PGAP6: variants seen among roughly 807,000 people sequenced by gnomAD.
PGAP6 encodes post-GPI attachment to proteins factor 6.
PGAP6 carries 62 observed loss-of-function variants against 68.4 expected under a neutral mutation model. The observed-to-expected ratio is 0.91, with a 90% CI of 0.74 to 1.12. The LOEUF is 1.12. Ranked by LOEUF, PGAP6 falls within the 50% of genes most tolerant of loss-of-function variation. PGAP6 has a pLI of 0.00. For missense variants in PGAP6, 1,188 were observed against 1,068.5 expected (o/e 1.11, Z -1.56); for synonymous variants, 575 against 474.0 (o/e 1.21, Z -2.77).
rs2054390878 is a variant in PGAP6 at position 377,046 on chromosome 16, C to G, written c.626G>C (p.Ser209Thr). ...PLPQTLLSHP[S>T]YLKVFVPDYT... ...CCAGGCCCCCGCTCACTTGAGGTAGCTGGGATGGGAGAGGAGGGTCTGAGG... is the reference window on the plus strand; with the variant it reads ...CCAGGCCCCCGCTCACTTGAGGTAGGTGGGATGGGAGAGGAGGGTCTGAGG... Residue 209 changes from serine (S) to threonine (T), a missense_variant, in exon 4 of 13, where the codon AGC becomes ACC. Ser to Thr is a moderately conservative substitution (Grantham distance 58). Transcript: ENST00000431232. The G allele has an allele frequency of 6.2e-7, 1 of 1,612,968 alleles. No individual in the cohort carries two copies. Among genetic ancestry groups the G allele is most frequent in the Non-Finnish European group, 8.5e-7 (1 of 1,179,898 alleles).
chr16:378,567 C>G (rs1478469282), intron 1 of PGAP6, among the ~76,000 whole-genome samples: 1 of 152,190 alleles, frequency 6.6e-6, no homozygotes, highest in African/African-American at 2.4e-5. Flanking sequence ...CATGGCCAAC[C>G]CAGGTCGAAG....
At chr16:379,753 C>T (rs1489390436) in intron 1 of PGAP6, among the ~76,000 whole-genome samples, 1 of 152,240 alleles carries the variant, frequency 6.6e-6, no homozygotes, top group East Asian at 1.9e-4. Flanking sequence ...AACACCCAGT[C>T]CCCGACTCCC....
rs781350836 is a variant in PGAP6 at position 372,646 on chromosome 16, A to AGG, written c.1982_1983dup (p.Cys662ProfsTer7). ...GCCATGATCACGAAGGCAAAGAGGC[A>AGG]GGGCCCCAGCATGTTCCACATGCCC... is the stretch of plus-strand genomic sequence containing the variant. On this transcript the variant is annotated frameshift_variant, in exon 12 of 13. Transcript: ENST00000431232. LOFTEE classifies it low-confidence loss of function (END_TRUNC). 1.3e-5 allele frequency: 21 copies of AGG among 1,612,236 alleles called. No homozygotes were observed. Among genetic ancestry groups the AGG allele is most frequent in the Admixed American group, 5.0e-5 (3 of 59,992 alleles).
At position 376,260 on chromosome 16, in the gene PGAP6, T is replaced by C; in HGVS notation, c.1100A>G (p.His367Arg). The change falls in exon 6 of 13, where the codon CAC (histidine) becomes CGC (arginine). Residue 367 changes from histidine (H) to arginine (R), a missense_variant. Coordinates refer to ENST00000431232, the MANE Select transcript of PGAP6 (RefSeq NM_021259.3). ...TREDMDVVSV[H>R]FQPLDRVSVR... ...CGAGACCCTGTCCAGGGGCTGGAAG[T>C]GCACCGACACCACGTCCATGTCCTC... The C allele has an allele frequency of 1.2e-6, 2 of 1,612,446 alleles. No individual in the cohort carries two copies. Among genetic ancestry groups the C allele is most frequent in the Non-Finnish European group, 1.7e-6 (2 of 1,179,912 alleles).
chr16:373,804 C>T (rs577465625), intron 11 of PGAP6, among the ~76,000 whole-genome samples: 1 of 136,900 alleles, frequency 7.3e-6, no homozygotes, highest in African/African-American at 2.9e-5. Flanking sequence ...CCACCATGCT[C>T]GGCCAAGGCA....
At position 375,580 on chromosome 16, in the gene PGAP6, T is replaced by C. The variant is rs2054375368; in HGVS notation, c.1225-145A>G. 4 of 689,538 alleles carry C rather than the reference T, an allele frequency of 5.8e-6. No homozygotes were observed. The South Asian group carries it at 7.3e-5, about 13-fold the overall frequency. 42.7% of individuals were successfully genotyped at this position (689,538 alleles called of 1,614,324 possible). On this transcript the variant is annotated intron_variant, in intron 6 of 12. Coordinates refer to ENST00000431232, the MANE Select transcript of PGAP6 (RefSeq NM_021259.3). Reference sequence around the variant, plus strand: ...TGGAGTCTTGCTCTGTCGCCCAGGCTGGAGGGCAGTGCCGCGATCTCGGCT... The same window carrying C: ...TGGAGTCTTGCTCTGTCGCCCAGGCCGGAGGGCAGTGCCGCGATCTCGGCT...
chr16:373,750 G>A (rs3929996), intron 11 of PGAP6, among the ~76,000 whole-genome samples: 1 of 151,930 alleles, frequency 6.6e-6, no homozygotes, highest in Non-Finnish European at 1.5e-5. Flanking sequence ...TGAACCCCTG[G>A]CCTCATGGGA....
chr16:376,198 G>A lies in PGAP6; in HGVS notation c.1162C>T (p.Leu388=), dbSNP rs1350206059. 3.1e-6 allele frequency: 5 copies of A among 1,612,448 alleles called. No homozygotes were observed. The highest frequency in any genetic ancestry group is 2.7e-5 in the African/African-American group (2 of 74,948). Residue 388 remains leucine (L), a synonymous_variant, in exon 6 of 13, where the codon CTG becomes TTG. Transcript: ENST00000431232. The part of the protein sequence containing the change: ...VCSDTPSVMR[L]RLNTGMDSGG... ...CTGTCCATGCCGGTGTTCAGGCGCAGCCGCATCACGGAGGGCGTGTCCGAA... is the reference window on the plus strand; with the variant it reads ...CTGTCCATGCCGGTGTTCAGGCGCAACCGCATCACGGAGGGCGTGTCCGAA...
rs1160537360 is a variant in PGAP6 at position 374,280 on chromosome 16, C to T, written c.1696G>A (p.Val566Met). Reference protein sequence around the residue: ...LMFLAPIAVSVRRFFLVEASV... With the variant: ...LMFLAPIAVSMRRFFLVEASV... ...GCCTCCACCAGGAAGAATCGCCGCA[C>T]TGAGACGGCGATGGGGGCCAGGAAC... Residue 566 changes from valine to methionine, a missense_variant, in exon 10 of 13, where the codon GTG (valine) becomes ATG (methionine). Transcript: ENST00000431232. The T allele has an allele frequency of 6.2e-7, 1 of 1,607,352 alleles. No individual in the cohort carries two copies. The highest frequency in any genetic ancestry group is 8.5e-7 in the Non-Finnish European group (1 of 1,179,622).
intron 1 of PGAP6, 58 bp from the exon 2 acceptor site, chr16:377,906 G>A: frequency 1.4e-6 from 2 of 1,445,754 alleles, no homozygotes; most frequent in Non-Finnish European, 1.9e-6. Context: ...CCGCAGATGG[G>A]GAGGACGAGT....
rs765506148 is a variant in PGAP6 at position 376,164 on chromosome 16, G to T, written c.1196C>A (p.Ser399Tyr). Residue 399 changes from serine to tyrosine, a missense_variant, in exon 6 of 13, where the codon TCC becomes TAC. Physicochemically the swap from Ser to Tyr is moderately radical, Grantham distance 144. Transcript: ENST00000431232. ...GTTGGCCCGCAGGGAGATGGTGAGG[G>T]AACCCCCGCTGTCCATGCCGGTGTT... ...RLNTGMDSGGSLTISLRANKT... is the reference protein window; with the variant it reads ...RLNTGMDSGGYLTISLRANKT... The T allele has an allele frequency of 4.4e-6, 7 of 1,608,262 alleles. 1 individual carries two copies. In the South Asian group the frequency reaches 7.7e-5, roughly 18 times the overall value.
At chr16:376,476 T>G (rs2071916) in intron 5 of PGAP6, 21 bp from the exon 6 acceptor site, 4 of 1,549,286 alleles carry the variant, frequency 2.6e-6, no homozygotes, top group African/African-American at 1.4e-5. Flanking sequence ...GACAAGGGGT[T>G]TGGCTGGAGG....
chr16:379,092 C>T (rs930187827), intron 1 of PGAP6, among the ~76,000 whole-genome samples: 8 of 152,204 alleles, frequency 5.3e-5, no homozygotes, highest in Admixed American at 4.6e-4. Flanking sequence ...CCCCTCCCTC[C>T]GAGGTTAATT....
At chr16:386,056 A>C (rs1367097574), upstream of PGAP6, among the ~76,000 whole-genome samples, 2 of 152,148 alleles carry the variant, frequency 1.3e-5, no homozygotes, top group African/African-American at 4.8e-5. Context: ...AAGACCCTCA[A>C]GCCCCCTCCC....
chr16:383,164 A>G (rs2141769888), upstream of PGAP6: 1 of 152,114 alleles, frequency 6.6e-6, no homozygotes, highest in Middle Eastern at 3.4e-3. Context: ...ACAAAACACT[A>G]AAGTGTCCTT....
upstream of PGAP6, chr16:384,235 C>T: frequency 6.6e-6 from 1 of 152,300 alleles, no homozygotes; most frequent in East Asian, 1.9e-4. Context: ...GTCTGAGGTT[C>T]CTGTGCCCCA....
At position 377,682 on chromosome 16, in the gene PGAP6, C is replaced by T. The variant is rs537307313; in HGVS notation, c.288G>A (p.Ala96=). 4.4e-6 allele frequency: 7 copies of T among 1,584,956 alleles called. No individual in the cohort carries two copies. Among genetic ancestry groups the T allele is most frequent in the East Asian group, 2.3e-5 (1 of 43,224 alleles). The change falls in exon 2 of 13, where the codon GCG becomes GCA. Residue 96 remains alanine, a synonymous_variant. Coordinates refer to ENST00000431232, the MANE Select transcript of PGAP6 (RefSeq NM_021259.3). ...SRESGAACTD[A]EITVHFRSGA... ...GGGCAGCCACCTACACGGTGATCTC[C>T]GCGTCGGTGCAGGCAGCGCCGCTCT...
rs145361083 is a variant in PGAP6 at position 372,085 on chromosome 16, G to T, written c.2218C>A (p.Pro740Thr). The T allele has an allele frequency of 3.1e-3, 4,969 of 1,612,596 alleles. 16 individuals carry two copies. The highest frequency in any genetic ancestry group is 3.8e-3 in the Non-Finnish European group (4,446 of 1,179,944). The change falls in exon 13 of 13, where the codon CCT (proline) becomes ACT (threonine). Residue 740 changes from proline (P) to threonine (T), a missense_variant. Pro to Thr is a conservative substitution (Grantham distance 38). Coordinates refer to ENST00000431232, the MANE Select transcript of PGAP6 (RefSeq NM_021259.3). ...AGSAALLLPP[P>T]DQPAEPWACS... Reference sequence around the variant, plus strand: ...GCCCAGGGCTCGGCGGGCTGGTCAGGTGGCGGCAGCAGCAAGGCTGCGCTC... The same window carrying T: ...GCCCAGGGCTCGGCGGGCTGGTCAGTTGGCGGCAGCAGCAAGGCTGCGCTC...
intron 1 of PGAP6, 116 bp from the exon 2 acceptor site, chr16:377,964 C>T: frequency 1.2e-6 from 1 of 867,286 alleles, no homozygotes; most frequent in Non-Finnish European, 1.8e-6. Flanking sequence ...ACCTGGAGAT[C>T]TTGGCACACC....
Sources: gnomAD v4.1 joint callset for allele counts (sites outside exome capture counted in the v4.1 genomes callset) on GRCh38, gnomAD v4.1.1 for gene constraint, MANE v1.5 for transcripts, NCBI Gene and HGNC (gene_info 2026-07-23, HGNC 2026-07-21) for gene names.